Variants in PDE1A observed in about 807,000 individuals in gnomAD.
PDE1A encodes dual specificity calcium/calmodulin-dependent 3',5'-cyclic nucleotide phosphodiesterase 1A.
A neutral mutation model predicts 61.7 loss-of-function variants in PDE1A; 35 were observed. That is an observed-to-expected ratio of 0.57 (90% CI 0.43 to 0.75). The LOEUF (loss-of-function observed/expected upper bound fraction) is 0.75, where lower values mean the gene tolerates loss of function less well. Ranked by LOEUF, PDE1A falls within the 30% of genes least tolerant of loss-of-function variation. PDE1A has a pLI of 0.00. For missense variants in PDE1A, 597 were observed against 630.6 expected (o/e 0.95, Z 0.57); for synonymous variants, 232 against 213.2 (o/e 1.09, Z -0.77).
intron 5 of PDE1A, among the ~76,000 whole-genome samples, chr2:182,230,522 C>A (rs940368948): frequency 6.6e-6 from 1 of 152,050 alleles, no homozygotes; most frequent in Non-Finnish European, 1.5e-5. Context: ...TCTCTCAGTA[C>A]TTTATAGCTC....
intron 13 of PDE1A, among the ~76,000 whole-genome samples, chr2:182,178,117 T>A (rs182690171): frequency 2.6e-5 from 4 of 152,206 alleles, no homozygotes; most frequent in Non-Finnish European, 2.9e-5. Context: ...AACAGGCTCA[T>A]GCCTATTTAG....
the PDE1A span, among the ~76,000 whole-genome samples, chr2:182,709,249 T>A: frequency 6.6e-6 from 1 of 152,224 alleles, no homozygotes; most frequent in Non-Finnish European, 1.5e-5. Context: ...TTAAGTCTTT[T>A]GGGACCATAT....
At chr2:182,568,364 A>G in the PDE1A span, among the ~76,000 whole-genome samples, 2 of 152,218 alleles carry the variant, frequency 1.3e-5, no homozygotes, top group Non-Finnish European at 2.9e-5. Flanking sequence ...CTATCCTTTT[A>G]TAAAATGTTT....
intron 2 of PDE1A, among the ~76,000 whole-genome samples, chr2:182,485,153 G>A (rs1202797548): frequency 6.6e-6 from 1 of 152,014 alleles, no homozygotes; most frequent in East Asian, 1.9e-4. Context: ...AAGAAAATGT[G>A]GTACATATAC....
intron 2 of PDE1A, among the ~76,000 whole-genome samples, chr2:182,446,074 T>C (rs1465146936): frequency 6.6e-6 from 1 of 152,122 alleles, no homozygotes; most frequent in African/African-American, 2.4e-5. Flanking sequence ...ACTTAAATCA[T>C]AGGGATGGCA....
intron 1 of PDE1A, among the ~76,000 whole-genome samples, chr2:182,311,723 C>T (rs574299558): frequency 1.3e-5 from 2 of 152,166 alleles, no homozygotes; most frequent in African/African-American, 4.8e-5. Flanking sequence ...TATTCATTCC[C>T]CAGCTGATGG....
At chr2:182,174,346 G>C (rs572178908) in intron 13 of PDE1A, among the ~76,000 whole-genome samples, 11 of 146,570 alleles carry the variant, frequency 7.5e-5, no homozygotes, top group African/African-American at 2.9e-4. Flanking sequence ...AGAAGCAAAG[G>C]AGGAATATAA....
intron 1 of PDE1A, among the ~76,000 whole-genome samples, chr2:182,340,541 A>G (rs1698118902): frequency 6.6e-6 from 1 of 152,218 alleles, no homozygotes; most frequent in Non-Finnish European, 1.5e-5. Context: ...AACAGAATAC[A>G]AAAGAGAAGC....
intron 1 of PDE1A, among the ~76,000 whole-genome samples, chr2:182,380,412 C>T (rs1463511968): frequency 6.6e-6 from 1 of 152,004 alleles, no homozygotes; most frequent in Non-Finnish European, 1.5e-5. Flanking sequence ...GCACCCAGCC[C>T]CAGCTCCTCT....
At chr2:182,462,147 G>T (rs1034914588) in intron 2 of PDE1A, among the ~76,000 whole-genome samples, 5 of 151,906 alleles carry the variant, frequency 3.3e-5, no homozygotes, top group African/African-American at 1.2e-4. Flanking sequence ...ACACACCGGG[G>T]CCTGTTGTGG....
exon 11 of PDE1A, chr2:182,189,035 A>G (rs749369223): frequency 1.2e-6 from 2 of 1,613,112 alleles, no homozygotes. Context: ...GGAAAATGGA[A>G]GCCCTAATTC....
the PDE1A span, among the ~76,000 whole-genome samples, chr2:182,533,817 A>T: frequency 6.6e-6 from 1 of 152,212 alleles, no homozygotes; most frequent in Admixed American, 6.5e-5. Context: ...AGCTCCATGG[A>T]TATGGATTGG....
At chr2:182,609,313 A>G in the PDE1A span, among the ~76,000 whole-genome samples, 77 of 152,358 alleles carry the variant, frequency 5.1e-4, no homozygotes, top group African/African-American at 1.7e-3. Flanking sequence ...TGGACCAATC[A>G]GCAGGATGTG....
chr2:182,671,479 C>A, the PDE1A span, among the ~76,000 whole-genome samples: 1 of 150,314 alleles, frequency 6.7e-6, no homozygotes, highest in Non-Finnish European at 1.5e-5. Context: ...TGAGCCACCA[C>A]ACCCGGCCTG....
intron 1 of PDE1A, among the ~76,000 whole-genome samples, chr2:182,305,324 AT>A (rs372169456): frequency 0.024 from 3,471 of 145,712 alleles, 121 homozygotes; most frequent in African/African-American, 0.078. Context: ...TGAATAAGCC[AT>A]TTTTTTTTTT....
At chr2:182,448,792 T>C (rs1239230566) in intron 2 of PDE1A, among the ~76,000 whole-genome samples, 1 of 152,036 alleles carries the variant, frequency 6.6e-6, no homozygotes, top group East Asian at 1.9e-4. Context: ...CTTAATCTAC[T>C]GTGATTCCGT....
At chr2:182,623,460 C>T in the PDE1A span, among the ~76,000 whole-genome samples, 1 of 152,262 alleles carries the variant, frequency 6.6e-6, no homozygotes, top group African/African-American at 2.4e-5. Flanking sequence ...AGGGTCATGG[C>T]CTGGGACGCA....
chr2:182,323,222 C>T (rs577662590), intron 1 of PDE1A, among the ~76,000 whole-genome samples: 48 of 152,186 alleles, frequency 3.2e-4, no homozygotes, highest in African/African-American at 1.1e-3. Context: ...AAAACATACC[C>T]GGTTTATCTC....
chr2:182,380,187 T>G (rs562835808), intron 1 of PDE1A, among the ~76,000 whole-genome samples: 2 of 144,630 alleles, frequency 1.4e-5, no homozygotes, highest in East Asian at 4.5e-4. Flanking sequence ...CTCAGCTCAC[T>G]GCAAGCTCCG....
Sources: allele counts gnomAD v4.1 joint callset (sites outside exome capture counted in the v4.1 genomes callset), GRCh38; gene constraint gnomAD v4.1.1; transcripts MANE v1.5; gene names NCBI Gene and HGNC (gene_info 2026-07-23, HGNC 2026-07-21).